PCDHGA4: variants seen among roughly 807,000 people sequenced by gnomAD.
PCDHGA4 encodes protocadherin gamma-A4.
In PCDHGA4, 38 loss-of-function variants were observed where a neutral mutation model predicts 54.6. The observed-to-expected ratio is 0.70, with a 90% CI of 0.54 to 0.91. The LOEUF (loss-of-function observed/expected upper bound fraction) is 0.91, where lower values mean the gene tolerates loss of function less well. Ranked by LOEUF, PCDHGA4 falls within the 40% of genes least tolerant of loss-of-function variation. PCDHGA4 has a pLI of 0.00. For missense variants in PCDHGA4, 1,298 were observed against 1,220.9 expected (o/e 1.06, Z -0.94); for synonymous variants, 511 against 512.9 (o/e 1.00, Z 0.05).
intron 1 of PCDHGA4, chr5:141,429,167 T>TAC (rs1357037045): frequency 6.6e-5 from 9 of 136,102 alleles, no homozygotes; most frequent in African/African-American, 8.8e-5. Context: ...AGACATTGTT[T>TAC]ATACACACAC....
At chr5:141,394,097 A>C in intron 1 of PCDHGA4, 1 of 1,613,932 alleles carries the variant, frequency 6.2e-7, no homozygotes, top group South Asian at 1.1e-5. Context: ...CAGATCTAGG[A>C]ACACCACCTC....
intron 1 of PCDHGA4, chr5:141,385,519 T>C (rs1781250310): frequency 2.9e-6 from 4 of 1,366,410 alleles, no homozygotes; most frequent in Admixed American, 3.4e-5. Flanking sequence ...TGAAAGCCTA[T>C]GGACAAGATT....
At chr5:141,509,404 A>C (rs1248030362) in intron 3 of PCDHGA4, among the ~76,000 whole-genome samples, 3 of 152,112 alleles carry the variant, frequency 2.0e-5, no homozygotes, top group Non-Finnish European at 4.4e-5. Context: ...CAGGGCCTCC[A>C]GCAGCGAGCC....
At chr5:141,412,815 A>G (rs2095578958) in intron 1 of PCDHGA4, among the ~76,000 whole-genome samples, 1 of 152,328 alleles carries the variant, frequency 6.6e-6, no homozygotes, top group Non-Finnish European at 1.5e-5. Flanking sequence ...AGAAACCTAC[A>G]TATAGTAAAT....
chr5:141,393,115 GGT>G (rs1236382706), intron 1 of PCDHGA4: 1 of 1,613,438 alleles, frequency 6.2e-7, no homozygotes, highest in Non-Finnish European at 8.5e-7. Flanking sequence ...CAGAGCCCGC[GGT>G]GTCTGATAAA....
chr5:141,373,211 T>C (rs1258872699), intron 1 of PCDHGA4, among the ~76,000 whole-genome samples: 1 of 152,254 alleles, frequency 6.6e-6, no homozygotes, highest in Non-Finnish European at 1.5e-5. Flanking sequence ...AACACATTTT[T>C]AATGTAACCT....
intron 1 of PCDHGA4, chr5:141,419,302 C>A: frequency 6.2e-7 from 1 of 1,614,024 alleles, no homozygotes; most frequent in Non-Finnish European, 8.5e-7. Flanking sequence ...ACCCAGACTT[C>A]GGGCTCAACG....
intron 3 of PCDHGA4, 120 bp downstream of exon 3, chr5:141,505,601 C>T (rs1171679451): frequency 6.4e-7 from 1 of 1,550,630 alleles, no homozygotes; most frequent in Non-Finnish European, 8.7e-7. Flanking sequence ...GATCTTTCGG[C>T]AGGTCTGAAA....
In PCDHGA4 at chr5:141,364,524, G is replaced by T. The variant is rs773568307; in HGVS notation, c.2514+6903G>T. The T allele has an allele frequency of 1.3e-5, 21 of 1,613,938 alleles. No individual in the cohort carries two copies. The highest frequency in any genetic ancestry group is 1.7e-5 in the Non-Finnish European group (20 of 1,179,924). On this transcript the variant is annotated intron_variant, in intron 1 of 3. Transcript: ENST00000571252. Reference sequence around the variant, plus strand: ...CAGGAGCTGGCGGAGCGCGGAGTCCGCATCGTCTCCAGAGGTAGGACGCAG... The same window carrying T: ...CAGGAGCTGGCGGAGCGCGGAGTCCTCATCGTCTCCAGAGGTAGGACGCAG...
At chr5:141,456,148 C>T (rs1408257938) in intron 1 of PCDHGA4, among the ~76,000 whole-genome samples, 13 of 152,078 alleles carry the variant, frequency 8.5e-5, no homozygotes, top group African/African-American at 3.1e-4. Flanking sequence ...CCGCCCGCCT[C>T]GGCCTCCTAA....
intron 1 of PCDHGA4, among the ~76,000 whole-genome samples, chr5:141,443,521 T>A (rs2098392520): frequency 6.6e-6 from 1 of 152,156 alleles, no homozygotes; most frequent in Admixed American, 6.6e-5. Context: ...TCTCTCCTTA[T>A]GACTTATTTA....
chr5:141,395,096 C>T (rs769366827), intron 1 of PCDHGA4: 4 of 1,614,068 alleles, frequency 2.5e-6, no homozygotes, highest in African/African-American at 2.7e-5. Flanking sequence ...CCCTCACCGC[C>T]GACTCGCGGA....
chr5:141,394,654 C>T lies in PCDHGA4; in HGVS notation c.2514+37033C>T. ...TACCGCCTGCTCAAGGCCAGCGAGCCGGGACTCTTCTCGGTGGGTCTGCAC... is the reference window on the plus strand; with the variant it reads ...TACCGCCTGCTCAAGGCCAGCGAGCTGGGACTCTTCTCGGTGGGTCTGCAC... On this transcript the variant is annotated intron_variant, in intron 1 of 3. Coordinates refer to ENST00000571252, the MANE Select transcript of PCDHGA4 (RefSeq NM_018917.4). 1.9e-6 allele frequency: 3 copies of T among 1,613,236 alleles called. No homozygotes were observed. Among genetic ancestry groups the T allele is most frequent in the Non-Finnish European group, 2.5e-6 (3 of 1,179,928 alleles).
At chr5:141,468,346 A>AG (rs2099164784) in intron 1 of PCDHGA4, 33 of 147,324 alleles carry the variant, frequency 2.2e-4, no homozygotes, top group Middle Eastern at 6.9e-3. Flanking sequence ...AAAAAAAAAA[A>AG]AAAGAAAGAA....
At chr5:141,427,966 T>C (rs1458559803) in intron 1 of PCDHGA4, 10 of 1,590,764 alleles carry the variant, frequency 6.3e-6, no homozygotes, top group African/African-American at 1.3e-5. Flanking sequence ...CCGCGGGTGC[T>C]GTACCCCGCG....
intron 1 of PCDHGA4, among the ~76,000 whole-genome samples, chr5:141,448,700 G>A (rs2098601460): frequency 6.6e-6 from 1 of 152,106 alleles, no homozygotes; most frequent in African/African-American, 2.4e-5. Context: ...CAGCACTTTG[G>A]GAGGCCGAGG....
chr5:141,409,734 G>C (rs1278458472), intron 1 of PCDHGA4: 2 of 1,613,144 alleles, frequency 1.2e-6, no homozygotes, highest in Admixed American at 3.3e-5. Flanking sequence ...AGCGCGCAGA[G>C]CGGGGTGGTG....
At chr5:141,402,361 T>G (rs2094255838) in intron 1 of PCDHGA4, among the ~76,000 whole-genome samples, 1 of 151,992 alleles carries the variant, frequency 6.6e-6, no homozygotes, top group Admixed American at 6.6e-5. Flanking sequence ...ATGAATGTAC[T>G]TCCAAACAAG....
intron 1 of PCDHGA4, chr5:141,414,115 G>A: frequency 6.3e-7 from 1 of 1,591,952 alleles, no homozygotes; most frequent in Middle Eastern, 1.7e-4. Flanking sequence ...TCTAGATTAT[G>A]AAGAAACCGG....
Sources: gnomAD v4.1 joint callset for allele counts (sites outside exome capture counted in the v4.1 genomes callset) on GRCh38, gnomAD v4.1.1 for gene constraint, MANE v1.5 for transcripts, NCBI Gene and HGNC (gene_info 2026-07-23, HGNC 2026-07-21) for gene names.